Variants in MCM2 observed in about 807,000 individuals in gnomAD.
The protein encoded by MCM2 is DNA replication licensing factor MCM2.
A neutral mutation model predicts 86.4 loss-of-function variants in MCM2; 49 were observed. That is an observed-to-expected ratio of 0.57 (90% CI 0.45 to 0.72). MCM2 has a LOEUF of 0.72. MCM2 is among the 30% of genes least tolerant of loss of function. The pLI is 0.00. For synonymous variants in MCM2, 475 were observed against 484.6 expected (o/e 0.98, Z 0.26); for missense variants, 1,038 against 1,259.9 (o/e 0.82, Z 2.67).
chr3:127,607,400 C>T (rs2074359681), intron 6 of MCM2, among the ~76,000 whole-genome samples: 1 of 152,272 alleles, frequency 6.6e-6, no homozygotes, highest in Non-Finnish European at 1.5e-5. Flanking sequence ...CCTTGACTGC[C>T]TTGCTGCTGT....
At chr3:127,612,366 G>C (rs1434168707) in intron 8 of MCM2, among the ~76,000 whole-genome samples, 1 of 152,208 alleles carries the variant, frequency 6.6e-6, no homozygotes, top group African/African-American at 2.4e-5. Flanking sequence ...TTGAATTTTG[G>C]CCTAATCCTT....
chr3:127,604,547 G>A (rs953414531), intron 2 of MCM2, 61 bp from the exon 3 acceptor site: 10 of 1,557,762 alleles, frequency 6.4e-6, no homozygotes, highest in Non-Finnish European at 8.8e-6. Context: ...TCCTGGATGG[G>A]GTTTGGTGCT....
At chr3:127,611,682 CTTTTTTTTTTTTTTTT>C (rs59607211) in intron 8 of MCM2, among the ~76,000 whole-genome samples, 13 of 54,286 alleles carry the variant, frequency 2.4e-4, no homozygotes, top group East Asian at 1.5e-3. Context: ...CTGCAGCTGA[CTTTTTTTTTTTTTTTT>C]TTTTTTTTTT....
chr3:127,620,910 G>C, intron 14 of MCM2, 30 bp downstream of exon 14: 1 of 1,582,880 alleles, frequency 6.3e-7, no homozygotes, highest in South Asian at 1.2e-5. Flanking sequence ...GGGGCCTGAT[G>C]GGCAAGCTCA....
Position 127,617,531 on chromosome 3 carries a change from C to A in MCM2, c.1900+126C>A. The A allele has an allele frequency of 8.1e-7, 1 of 1,229,320 alleles. No individual in the cohort carries two copies. The highest frequency in any genetic ancestry group is 1.6e-5 in the South Asian group (1 of 64,400). The allele number at this position is 1,229,320 out of a possible 1,614,324, so 76.2% of individuals were successfully genotyped here. A position where few individuals can be genotyped will look rare whatever the true frequency, so the allele number is the denominator to read the frequency against. Reference sequence around the variant, plus strand: ...AAGTCATTGTGCAGCAGAGGGTTCCCCTCTTCTGCATATCCTGCCAGAGTG... The same window carrying A: ...AAGTCATTGTGCAGCAGAGGGTTCCACTCTTCTGCATATCCTGCCAGAGTG... On this transcript the variant is annotated intron_variant, in intron 11 of 15. Transcript: ENST00000265056. The surrounding 1 kb of genome is among the most constrained non-coding windows in gnomAD (Gnocchi z 4.1).
At chr3:127,609,133 C>T in intron 8 of MCM2, 110 bp downstream of exon 8, 1 of 1,142,710 alleles carries the variant, frequency 8.8e-7, no homozygotes, top group Non-Finnish European at 1.3e-6. Context: ...TGCCTTATTC[C>T]CCTGGAGCTC....
rs529125746 is a variant in MCM2 at position 127,609,560 on chromosome 3, G to A, written c.1428+537G>A. Among the ~76,000 whole-genome samples the A allele has an allele frequency of 1.0e-3, 154 of 151,910 alleles. 1 individual carries two copies. Among genetic ancestry groups the A allele is most frequent in the African/African-American group, 3.6e-3 (147 of 41,408 alleles). ...TCCTGGCTCAAGATCCTCTCACATT[G>A]GCTTCCCAAAGTGCTGGGCTTACAG... is the stretch of plus-strand genomic sequence containing the variant. On this transcript the variant is annotated intron_variant, in intron 8 of 15. Coordinates refer to ENST00000265056, the MANE Select transcript of MCM2 (RefSeq NM_004526.4).
At position 127,617,196 on chromosome 3, in the gene MCM2, T is replaced by C. The variant is rs1443361574; in HGVS notation, c.1773+78T>C. On this transcript the variant is annotated intron_variant, in intron 10 of 15. Coordinates refer to ENST00000265056, the MANE Select transcript of MCM2 (RefSeq NM_004526.4). The surrounding 1 kb of genome is among the most constrained non-coding windows in gnomAD (Gnocchi z 4.1). ...TGGGCCTTAGCGACGGGAATGGTGT[T>C]AATGGGGTCCATTGGGACCTCATCG... is the stretch of plus-strand genomic sequence containing the variant. 6.2e-7 allele frequency: 1 copy of C among 1,605,768 alleles called. No homozygotes were observed. The highest frequency in any genetic ancestry group is 8.5e-7 in the Non-Finnish European group (1 of 1,174,356).
At chr3:127,613,394 C>T (rs2074413090) in intron 8 of MCM2, among the ~76,000 whole-genome samples, 2 of 152,156 alleles carry the variant, frequency 1.3e-5, no homozygotes, top group African/African-American at 4.8e-5. Context: ...ATAAGAGAGT[C>T]ATTATACTTA....
intron 8 of MCM2, among the ~76,000 whole-genome samples, chr3:127,613,215 A>G (rs2074411776): frequency 6.6e-6 from 1 of 152,132 alleles, no homozygotes; most frequent in Admixed American, 6.5e-5. Context: ...GGAGGGAGAC[A>G]TTACCTCATC....
chr3:127,620,553 G>A, intron 13 of MCM2, 145 bp from the exon 14 acceptor site: 1 of 763,184 alleles, frequency 1.3e-6, no homozygotes. Context: ...TGCATTCACT[G>A]GGCAGCGCAG....
At chr3:127,610,242 A>G (rs780047993) in intron 8 of MCM2, among the ~76,000 whole-genome samples, 3 of 152,120 alleles carry the variant, frequency 2.0e-5, no homozygotes, top group Non-Finnish European at 4.4e-5. Flanking sequence ...TTCAGTTCCC[A>G]TTTGGCTTCT....
At position 127,599,372 on chromosome 3, in the gene MCM2, A is replaced by G. The variant is rs1307579099; in HGVS notation, c.61A>G (p.Asn21Asp). The change falls in exon 2 of 16, where the codon AAT (asparagine) becomes GAT (aspartate). Residue 21 changes from asparagine (N) to aspartate (D), a missense_variant. Transcript: ENST00000265056. ...CAGCCCGGCCCAGCGTCGGCGAGGC[A>G]ATGATCCTCTCACCTCCAGCCCTGG... ...ASSPAQRRRG[N>D]DPLTSSPGRS... 1 of 1,614,184 alleles carries G rather than the reference A, an allele frequency of 6.2e-7. No individual in the cohort carries two copies. Among genetic ancestry groups the G allele is most frequent in the South Asian group, 1.1e-5 (1 of 91,090 alleles).
At chr3:127,619,939 G>A (rs1322754631) in intron 13 of MCM2, among the ~76,000 whole-genome samples, 1 of 152,082 alleles carries the variant, frequency 6.6e-6, no homozygotes, top group Non-Finnish European at 1.5e-5. Context: ...AGCTATGATG[G>A]CACCACTGCA....
rs2074329428 is a variant in MCM2, at chr3:127,604,417, A to G, written c.237-191A>G. On this transcript the variant is annotated intron_variant, in intron 2 of 15. Coordinates refer to ENST00000265056, the MANE Select transcript of MCM2 (RefSeq NM_004526.4). The stretch of plus-strand genomic sequence containing the variant: ...ATTTTAAGGCTTCATCGTCCATCAT[A>G]TGGACAGATCGTGTTTTGTTCATCC... 5.0e-6 allele frequency: 3 copies of G among 598,402 alleles called. No homozygotes were observed. In the East Asian group the frequency reaches 8.2e-5, roughly 16 times the overall value. 37.1% of individuals were successfully genotyped at this position (598,402 alleles called of 1,614,324 possible).
At chr3:127,621,003 G>A in intron 14 of MCM2, 70 bp from the exon 15 acceptor site, 4 of 1,588,776 alleles carry the variant, frequency 2.5e-6, no homozygotes, top group Non-Finnish European at 3.4e-6. Context: ...CTGGGTGCTG[G>A]CACGTAGGGT....
intron 2 of MCM2, chr3:127,604,237 A>T: frequency 4.8e-6 from 1 of 208,790 alleles, no homozygotes; most frequent in Non-Finnish European, 9.7e-6. Context: ...TCTTCCCAGC[A>T]CCTAGCAACC....
Position 127,621,705 on chromosome 3 carries a change from A to G in MCM2, c.2647A>G (p.Ser883Gly). ...CCACAACCTCTCTGCATTTTATGAC[A>G]GTGAGCTCTTCAGGATGAACAAGTT... ...NIHNLSAFYD[S>G]ELFRMNKFSH... Residue 883 changes from serine to glycine, a missense_variant, in exon 16 of 16, where the codon AGT (serine) becomes GGT (glycine). Physicochemically the swap from Ser to Gly is moderately conservative, Grantham distance 56. Around this residue, in one of 4 missense-constraint regions of MCM2, gnomAD observed 336 missense variants for 425.7 expected, o/e 0.79. Coordinates refer to ENST00000265056, the MANE Select transcript of MCM2 (RefSeq NM_004526.4). 6.2e-7 allele frequency: 1 copy of G among 1,614,118 alleles called. No individual in the cohort carries two copies.
rs144115876 is a variant in MCM2 at position 127,606,199 on chromosome 3, C to T, written c.755C>T (p.Pro252Leu). 38 of 1,614,106 alleles carry T rather than the reference C, an allele frequency of 2.4e-5. No individual in the cohort carries two copies. The highest frequency in any genetic ancestry group is 3.1e-5 in the Non-Finnish European group (36 of 1,180,048). Residue 252 changes from proline (P) to leucine (L), a missense_variant, in exon 5 of 16, where the codon CCG becomes CTG. This residue lies in a region of MCM2 where 399 missense variants were observed against 507.2 expected (regional missense o/e 0.79). Transcript: ENST00000265056. The surrounding 1 kb of genome is among the most constrained non-coding windows in gnomAD (Gnocchi z 4.2). Reference sequence around the variant, plus strand: ...CTGGCCTACTTCCTGCCTGAGGCACCGGCGGAGCTGCTGCAGATCTTTGAT... The same window carrying T: ...CTGGCCTACTTCCTGCCTGAGGCACTGGCGGAGCTGCTGCAGATCTTTGAT... ...HVLAYFLPEAPAELLQIFDEA... is the reference protein window; with the variant it reads ...HVLAYFLPEALAELLQIFDEA...
Sources: allele counts gnomAD v4.1 joint callset (sites outside exome capture counted in the v4.1 genomes callset), GRCh38; gene constraint gnomAD v4.1.1; regional missense constraint gnomAD v4.1.1; non-coding constraint Gnocchi (gnomAD v3.1); transcripts MANE v1.5; gene names NCBI Gene and HGNC (gene_info 2026-07-23, HGNC 2026-07-21).